DAB1: variants seen among roughly 807,000 people sequenced by gnomAD.
DAB1 encodes disabled homolog 1.
In DAB1, 15 loss-of-function variants were observed where a neutral mutation model predicts 64.6. The observed-to-expected ratio is 0.23, with a 90% CI of 0.16 to 0.36. The LOEUF (loss-of-function observed/expected upper bound fraction) is 0.36, where lower values mean the gene tolerates loss of function less well. Ranked by LOEUF, DAB1 falls within the 10% of genes least tolerant of loss-of-function variation. The pLI, the probability that DAB1 is intolerant of heterozygous loss-of-function variation, is 1.00. For missense variants in DAB1, 596 were observed against 706.7 expected, an observed-to-expected ratio of 0.84 and a Z score of 1.78; for synonymous variants, 235 against 251.9, an observed-to-expected ratio of 0.93 and a Z score of 0.64.
intron 6 of DAB1, among the ~76,000 whole-genome samples, chr1:57,748,942 C>T (rs1468089546): frequency 3.9e-5 from 6 of 152,200 alleles, no homozygotes; most frequent in Admixed American, 6.5e-5. Flanking sequence ...TGAATAGAGA[C>T]TCATTGCCCA....
intron 5 of DAB1, among the ~76,000 whole-genome samples, chr1:58,000,091 AAC>A (rs1191769375): frequency 2.6e-5 from 4 of 152,012 alleles, no homozygotes; most frequent in Non-Finnish European, 5.9e-5. Context: ...CTGATTTGGA[AAC>A]AGTCAGTGGG....
intron 7 of DAB1, among the ~76,000 whole-genome samples, chr1:57,620,950 C>T (rs1243925024): frequency 2.0e-5 from 3 of 152,064 alleles, no homozygotes; most frequent in Non-Finnish European, 4.4e-5. Context: ...TTTCTCATGC[C>T]CACCTTCTGC....
At chr1:57,678,388 T>C (rs1646593448) in intron 6 of DAB1, among the ~76,000 whole-genome samples, 1 of 152,204 alleles carries the variant, frequency 6.6e-6, no homozygotes, top group Admixed American at 6.5e-5. Context: ...AAAGACATTA[T>C]CTTAATAAGC....
chr1:57,292,095 G>A (rs560655430), intron 1 of DAB1, among the ~76,000 whole-genome samples: 1 of 152,250 alleles, frequency 6.6e-6, no homozygotes, highest in Non-Finnish European at 1.5e-5. Context: ...TTAAGAAAAA[G>A]CTATTAGAAA....
intron 4 of DAB1, among the ~76,000 whole-genome samples, chr1:58,165,973 C>T (rs1655809225): frequency 3.9e-5 from 6 of 152,082 alleles, no homozygotes; most frequent in Admixed American, 3.3e-4. Context: ...CTTAGAGAGA[C>T]TAAGTAATGT....
At chr1:58,507,688 G>A (rs1646011011) in intron 2 of DAB1, among the ~76,000 whole-genome samples, 1 of 152,010 alleles carries the variant, frequency 6.6e-6, no homozygotes, top group Admixed American at 6.5e-5. Context: ...TGCAAGATGT[G>A]TGTGTGCTTA....
At position 57,046,636 on chromosome 1, in the gene DAB1, A is replaced by C. The variant is rs1024283271; in HGVS notation, c.723+16248T>G. Among the ~76,000 whole-genome samples, 29 of 152,202 alleles carry C rather than the reference A, an allele frequency of 1.9e-4. 1 individual carries two copies. Among genetic ancestry groups the C allele is most frequent in the Admixed American group, 1.6e-3 (24 of 15,280 alleles). On this transcript the variant is annotated intron_variant, in intron 9 of 14. Coordinates refer to ENST00000371236, the MANE Select transcript of DAB1 (RefSeq NM_001365792.1). ...GAGATGCTGTAGTTAAGGTTCTGTG[A>C]ATGTTAATGATCTGTATTACAGGAA... is the stretch of plus-strand genomic sequence containing the variant.
chr1:57,121,631 C>T (rs757303899), intron 4 of DAB1, among the ~76,000 whole-genome samples: 14 of 152,130 alleles, frequency 9.2e-5, no homozygotes, highest in Non-Finnish European at 1.9e-4. Context: ...GAAGTCTTTG[C>T]CTATGCCTAT....
At chr1:57,691,989 G>A (rs1376485430) in intron 6 of DAB1, among the ~76,000 whole-genome samples, 1 of 152,040 alleles carries the variant, frequency 6.6e-6, no homozygotes, top group South Asian at 2.1e-4. Flanking sequence ...CTTCGGAGTT[G>A]GGAGCATTGG....
At chr1:58,243,198 G>GA (rs1258594530) in intron 4 of DAB1, among the ~76,000 whole-genome samples, 1 of 150,830 alleles carries the variant, frequency 6.6e-6, no homozygotes, top group African/African-American at 2.4e-5. Context: ...TTTGCTTGGA[G>GA]AAAAAATGTC....
chr1:58,231,416 A>G, intron 4 of DAB1, among the ~76,000 whole-genome samples: 1 of 152,216 alleles, frequency 6.6e-6, no homozygotes, highest in East Asian at 1.9e-4. Context: ...GACCACAAAC[A>G]TGCAAATGGG....
chr1:57,159,771 C>T (rs1235072532), intron 2 of DAB1, among the ~76,000 whole-genome samples: 1 of 144,714 alleles, frequency 6.9e-6, no homozygotes, highest in Non-Finnish European at 1.5e-5. Flanking sequence ...CTATGACTCC[C>T]AGCAATTTTT....
intron 1 of DAB1, among the ~76,000 whole-genome samples, chr1:57,849,362 C>A (rs1183964079): frequency 2.6e-5 from 4 of 152,168 alleles, no homozygotes; most frequent in African/African-American, 9.7e-5. Context: ...CCTTATTGCT[C>A]ACAGTAACTC....
At chr1:57,282,182 CAAAAAA>C (rs61512431) in intron 2 of DAB1, among the ~76,000 whole-genome samples, 6 of 92,768 alleles carry the variant, frequency 6.5e-5, no homozygotes, top group South Asian at 3.9e-4. Flanking sequence ...GCCTTCTTCT[CAAAAAA>C]AAAAAAAAAA....
intron 5 of DAB1, among the ~76,000 whole-genome samples, chr1:57,944,240 C>T (rs1359974843): frequency 6.6e-6 from 1 of 152,088 alleles, no homozygotes; most frequent in Non-Finnish European, 1.5e-5. Flanking sequence ...TGTTTGGTGG[C>T]CTGGTACCCT....
chr1:57,011,040 G>T, intron 13 of DAB1, 105 bp downstream of exon 13: 2 of 1,440,002 alleles, frequency 1.4e-6, no homozygotes, highest in Non-Finnish European at 1.9e-6. Flanking sequence ...ATGAGATTGA[G>T]CCAGCATTCT....
At chr1:57,938,223 G>C (rs1419271012) in intron 5 of DAB1, among the ~76,000 whole-genome samples, 1 of 152,204 alleles carries the variant, frequency 6.6e-6, no homozygotes, top group African/African-American at 2.4e-5. Context: ...GTACAATAGG[G>C]ATACTGGCAC....
chr1:58,194,805 C>T (rs1275160854), intron 4 of DAB1, among the ~76,000 whole-genome samples: 2 of 152,122 alleles, frequency 1.3e-5, no homozygotes, highest in African/African-American at 2.4e-5. Flanking sequence ...CAGACAGAGC[C>T]CCAAGAATCT....
At chr1:58,198,556 TAC>T (rs1373392696) in intron 4 of DAB1, among the ~76,000 whole-genome samples, 1 of 152,228 alleles carries the variant, frequency 6.6e-6, no homozygotes, top group East Asian at 1.9e-4. Flanking sequence ...CTTCCTTTGG[TAC>T]ATCAGTACAT....
Sources: allele counts gnomAD v4.1 joint callset (sites outside exome capture counted in the v4.1 genomes callset), GRCh38; gene constraint gnomAD v4.1.1; transcripts MANE v1.5; gene names NCBI Gene and HGNC (gene_info 2026-07-23, HGNC 2026-07-21).